The following XXYLT1 variants were observed in gnomAD, a reference collection of about 807,000 sequenced individuals.
The protein encoded by XXYLT1 is xyloside xylosyltransferase 1.
In XXYLT1, 20 loss-of-function variants were observed where a neutral mutation model predicts 28.9. The ratio of observed to expected loss-of-function variants is 0.69; its 90% CI spans 0.49 to 1.00. The LOEUF (loss-of-function observed/expected upper bound fraction) is 1.00, where lower values mean the gene tolerates loss of function less well. XXYLT1 is among the 50% of genes least tolerant of loss of function. The probability of loss-of-function intolerance (pLI) is 0.00; values close to 1 mark genes in which losing one functional copy is unlikely to be tolerated. For missense variants in XXYLT1, 542 were observed against 560.1 expected (o/e 0.97, Z 0.33); for synonymous variants, 257 against 253.8 (o/e 1.01, Z -0.12).
chr3:195,259,348 G>C (rs1490238736), intron 1 of XXYLT1, among the ~76,000 whole-genome samples: 1 of 152,268 alleles, frequency 6.6e-6, no homozygotes, highest in Non-Finnish European at 1.5e-5. Flanking sequence ...CTCAGAGTCA[G>C]AGCCGTGAAG....
chr3:195,219,291 T>G (rs1264088442), intron 2 of XXYLT1, among the ~76,000 whole-genome samples: 1 of 152,222 alleles, frequency 6.6e-6, no homozygotes, highest in Non-Finnish European at 1.5e-5. Flanking sequence ...AATGTGCACA[T>G]GTACCCTAAA....
At chr3:195,130,714 C>G (rs566949510) in intron 3 of XXYLT1, among the ~76,000 whole-genome samples, 21 of 152,310 alleles carry the variant, frequency 1.4e-4, no homozygotes, top group African/African-American at 4.8e-4. Flanking sequence ...AACAGGCAAT[C>G]TGGAGGGGCT....
At chr3:195,233,849 C>A (rs1220908365) in intron 1 of XXYLT1, among the ~76,000 whole-genome samples, 2 of 152,200 alleles carry the variant, frequency 1.3e-5, no homozygotes, top group African/African-American at 4.8e-5. Context: ...TTTTCACCTG[C>A]AGATGATTTC....
intron 1 of XXYLT1, among the ~76,000 whole-genome samples, chr3:195,249,021 G>T (rs554456471): frequency 6.6e-6 from 1 of 152,150 alleles, no homozygotes; most frequent in Non-Finnish European, 1.5e-5. Flanking sequence ...TAAAATATAC[G>T]TTAAGTAGGT....
chr3:195,190,450 T>C (rs529493411), intron 2 of XXYLT1, among the ~76,000 whole-genome samples: 16 of 142,200 alleles, frequency 1.1e-4, no homozygotes, highest in East Asian at 2.1e-4. Context: ...AGCCGAGTTA[T>C]GCTGCTGCAC....
In XXYLT1 at chr3:195,270,813, G is replaced by T; in HGVS notation, c.246C>A (p.Pro82=). 6.7e-7 allele frequency: 1 copy of T among 1,495,378 alleles called. No individual in the cohort carries two copies. The highest frequency in any genetic ancestry group is 2.8e-5 in the East Asian group (1 of 35,558). 92.6% of individuals were successfully genotyped at this position (1,495,378 alleles called of 1,614,324 possible). Residue 82 remains proline (P), a synonymous_variant, in exon 1 of 4, where the codon CCC becomes CCA. Coordinates refer to ENST00000310380, the MANE Select transcript of XXYLT1 (RefSeq NM_152531.5). ...ELARGSVAPA[P]GAKAKSLEGG... ...CCTCCAAGCTCTTGGCCTTCGCGCC[G>T]GGGGCTGGCGCCACGGAGCCCCGCG...
intron 3 of XXYLT1, among the ~76,000 whole-genome samples, chr3:195,089,443 G>C (rs1260472097): frequency 6.6e-6 from 1 of 152,012 alleles, no homozygotes; most frequent in East Asian, 1.9e-4. Context: ...ATAAGTGAAG[G>C]AGAAATAAAA....
At chr3:195,222,665 G>A (rs1723879316) in intron 2 of XXYLT1, among the ~76,000 whole-genome samples, 2 of 152,044 alleles carry the variant, frequency 1.3e-5, no homozygotes, top group African/African-American at 4.8e-5. Context: ...ATGAGAAAGT[G>A]AACGGAGGTT....
chr3:195,247,391 T>C (rs1365437570), intron 1 of XXYLT1, among the ~76,000 whole-genome samples: 1 of 152,204 alleles, frequency 6.6e-6, no homozygotes, highest in Non-Finnish European at 1.5e-5. Flanking sequence ...CAAAGAACAC[T>C]GCAGTTTTAC....
At chr3:195,229,242 TA>T (rs1281221511) in intron 1 of XXYLT1, among the ~76,000 whole-genome samples, 1 of 152,236 alleles carries the variant, frequency 6.6e-6, no homozygotes, top group African/African-American at 2.4e-5. Context: ...ACTTTGTTAC[TA>T]TTTTTTTATT....
chr3:195,252,692 CCACACACACACACACACA>C (rs774827660), intron 1 of XXYLT1, among the ~76,000 whole-genome samples: 1 of 84,154 alleles, frequency 1.2e-5, no homozygotes, highest in Non-Finnish European at 2.3e-5. Flanking sequence ...AGAAAAAAAA[CCACACACACACACACACA>C]CACACACACA....
chr3:195,207,762 C>T (rs903404272), intron 2 of XXYLT1, among the ~76,000 whole-genome samples: 2 of 152,174 alleles, frequency 1.3e-5, no homozygotes, highest in African/African-American at 4.8e-5. Flanking sequence ...CAAGCTTAGC[C>T]TCTGGCCCAC....
chr3:195,100,873 A>T (rs1174111855), intron 3 of XXYLT1, among the ~76,000 whole-genome samples: 1 of 152,244 alleles, frequency 6.6e-6, no homozygotes, highest in Non-Finnish European at 1.5e-5. Flanking sequence ...TTTATATCGG[A>T]TATCCCTGCT....
intron 2 of XXYLT1, among the ~76,000 whole-genome samples, chr3:195,158,961 G>A (rs1442855924): frequency 1.7e-4 from 26 of 152,296 alleles, no homozygotes; most frequent in East Asian, 1.4e-3. Context: ...TACACAGAAC[G>A]CTGAAGGCTT....
At chr3:195,084,068 C>T (rs997646815) in intron 3 of XXYLT1, among the ~76,000 whole-genome samples, 5 of 152,172 alleles carry the variant, frequency 3.3e-5, no homozygotes, top group Non-Finnish European at 5.9e-5. Flanking sequence ...CACATTCTGC[C>T]TTTTGCTGCA....
At chr3:195,218,845 G>T (rs1393576172) in intron 2 of XXYLT1, among the ~76,000 whole-genome samples, 3 of 151,968 alleles carry the variant, frequency 2.0e-5, no homozygotes, top group Non-Finnish European at 4.4e-5. Context: ...AAATCATGCT[G>T]CTATAAAGAC....
chr3:195,069,600 C>T lies in XXYLT1; in HGVS notation c.*115G>A. 3.5e-6 allele frequency: 5 copies of T among 1,438,684 alleles called. No individual in the cohort carries two copies. The highest frequency in any genetic ancestry group is 2.3e-5 in the East Asian group (1 of 43,704). 89.1% of individuals were successfully genotyped at this position (1,438,684 alleles called of 1,614,324 possible). A position where few individuals can be genotyped will look rare whatever the true frequency, so the allele number is the denominator to read the frequency against. ...GCAGGAGGTCTCAGCACCTTAATCA[C>T]AGGACTTCCCTGCGGTGTCTCTCTA... On this transcript the variant is annotated 3_prime_UTR_variant, in exon 4 of 4. Transcript: ENST00000310380.
intron 3 of XXYLT1, among the ~76,000 whole-genome samples, chr3:195,144,415 C>T (rs529315510): frequency 2.0e-5 from 3 of 151,954 alleles, no homozygotes; most frequent in Non-Finnish European, 2.9e-5. Context: ...CTTGCCCTAT[C>T]GCCCAGGCTG....
chr3:195,192,394 C>T (rs1353703749), intron 2 of XXYLT1, among the ~76,000 whole-genome samples: 1 of 147,134 alleles, frequency 6.8e-6, no homozygotes, highest in Non-Finnish European at 1.5e-5. Flanking sequence ...CACTGCACTC[C>T]AGCCTGGGTA....
Sources: allele counts gnomAD v4.1 joint callset (sites outside exome capture counted in the v4.1 genomes callset), GRCh38; gene constraint gnomAD v4.1.1; transcripts MANE v1.5; gene names NCBI Gene and HGNC (gene_info 2026-07-23, HGNC 2026-07-21).